NAALADL2: variants seen among roughly 807,000 people sequenced by gnomAD.
The protein encoded by NAALADL2 is inactive N-acetylated-alpha-linked acidic dipeptidase-like protein 2.
A neutral mutation model predicts 87.2 loss-of-function variants in NAALADL2; 76 were observed. The ratio of observed to expected loss-of-function variants is 0.87; its 90% confidence interval spans 0.72 to 1.05. NAALADL2 has a LOEUF of 1.05. NAALADL2 is among the 50% of genes least tolerant of loss of function. The pLI is 0.00. For synonymous variants in NAALADL2, 354 were observed against 331.0 expected, an observed-to-expected ratio of 1.07 and a Z score of -0.75; for missense variants, 1,089 against 945.8, an observed-to-expected ratio of 1.15 and a Z score of -1.99.
At chr3:175,125,380 A>G (rs111498928) in intron 2 of NAALADL2, among the ~76,000 whole-genome samples, 2 of 151,928 alleles carry the variant, frequency 1.3e-5, no homozygotes, top group African/African-American at 2.4e-5. Flanking sequence ...TTACAAGATC[A>G]CTCTACTACT....
chr3:175,680,924 C>T (rs1319638429), intron 11 of NAALADL2, among the ~76,000 whole-genome samples: 1 of 152,064 alleles, frequency 6.6e-6, no homozygotes, highest in Non-Finnish European at 1.5e-5. Flanking sequence ...ACAATCCTGG[C>T]CAACATGGTG....
At chr3:174,879,603 G>A (rs1199939427) in intron 1 of NAALADL2, among the ~76,000 whole-genome samples, 1 of 151,882 alleles carries the variant, frequency 6.6e-6, no homozygotes, top group East Asian at 1.9e-4. Flanking sequence ...AATATATTTT[G>A]TGTAAGTACT....
chr3:175,780,384 T>C (rs1576802196), intron 13 of NAALADL2, among the ~76,000 whole-genome samples: 1 of 152,070 alleles, frequency 6.6e-6, no homozygotes, highest in East Asian at 1.9e-4. Context: ...ACAGTATGTG[T>C]ATACGTATCA....
intron 11 of NAALADL2, among the ~76,000 whole-genome samples, chr3:175,717,994 TG>T (rs1368407008): frequency 2.7e-5 from 4 of 150,864 alleles, no homozygotes; most frequent in African/African-American, 7.4e-5. Context: ...TGTATTTTTT[TG>T]TTGTTGTTGT....
intron 1 of NAALADL2, among the ~76,000 whole-genome samples, chr3:174,929,408 T>A (rs1449737544): frequency 6.6e-6 from 1 of 152,218 alleles, no homozygotes; most frequent in Non-Finnish European, 1.5e-5. Context: ...TCTTTTTCCT[T>A]ATTCTACCTT....
intron 2 of NAALADL2, among the ~76,000 whole-genome samples, chr3:175,155,994 A>T (rs1372049511): frequency 6.6e-6 from 1 of 152,198 alleles, no homozygotes; most frequent in Admixed American, 6.6e-5. Context: ...TTTAGCAAAC[A>T]TTTTGAGGAA....
At chr3:174,701,076 C>T (rs1729506154) in intron 2 of NAALADL2, among the ~76,000 whole-genome samples, 2 of 149,830 alleles carry the variant, frequency 1.3e-5, no homozygotes, top group South Asian at 4.2e-4. Context: ...ATTTTAAGTG[C>T]AGGGAAGGGA....
chr3:174,816,827 A>G (rs879615197), intron 3 of NAALADL2, among the ~76,000 whole-genome samples: 8 of 152,166 alleles, frequency 5.3e-5, no homozygotes, highest in Admixed American at 5.2e-4. Flanking sequence ...GGTCATTGCA[A>G]GGCAACACTG....
chr3:175,260,516 C>G (rs1198812860), intron 4 of NAALADL2, among the ~76,000 whole-genome samples: 1 of 152,120 alleles, frequency 6.6e-6, no homozygotes, highest in Non-Finnish European at 1.5e-5. Context: ...GATTACGGCC[C>G]AATTTGCTTC....
At chr3:174,930,788 A>AT (rs1325094579) in intron 1 of NAALADL2, among the ~76,000 whole-genome samples, 102 of 151,170 alleles carry the variant, frequency 6.7e-4, no homozygotes, top group African/African-American at 2.1e-3. Context: ...TTCCTGGCTA[A>AT]TTTTTTTGTA....
chr3:175,111,783 T>C (rs1235792277), intron 2 of NAALADL2, among the ~76,000 whole-genome samples: 2 of 151,618 alleles, frequency 1.3e-5, no homozygotes, highest in Non-Finnish European at 3.0e-5. Flanking sequence ...TCATTCCACA[T>C]ATATTCATAT....
At chr3:175,051,733 TG>T (rs1755417624) in intron 1 of NAALADL2, among the ~76,000 whole-genome samples, 1 of 152,202 alleles carries the variant, frequency 6.6e-6, no homozygotes, top group Non-Finnish European at 1.5e-5. Context: ...TGAAAATTCT[TG>T]GGAGTCACTG....
At chr3:175,055,074 T>G (rs142130552) in intron 1 of NAALADL2, among the ~76,000 whole-genome samples, 223 of 152,352 alleles carry the variant, frequency 1.5e-3, no homozygotes, top group African/African-American at 5.1e-3. Context: ...AATGTCCTCC[T>G]GTATCTACCA....
At chr3:175,113,074 A>G (rs1302334810) in intron 2 of NAALADL2, among the ~76,000 whole-genome samples, 1 of 151,656 alleles carries the variant, frequency 6.6e-6, no homozygotes, top group Admixed American at 6.6e-5. Flanking sequence ...GAAGTAGATT[A>G]GGATAATTTC....
rs1302713224 is a variant in NAALADL2 at position 174,592,244 on chromosome 3, T to TA, written c.-115+41607_-115+41608insA. ...TATTTATTTTTGAAACAATTTTTCT[T>TA]TTTTTATTTTGTTATTATTATACTT... On this transcript the variant is annotated intron_variant, in intron 2 of 3. Coordinates refer to the NAALADL2 transcript ENST00000434257. Among the ~76,000 whole-genome samples the TA allele has an allele frequency of 1.1e-3, 115 of 108,866 alleles. No homozygotes were observed. In the Middle Eastern group the frequency reaches 0.021, roughly 20 times the overall value. The allele number at this position is 108,866 out of a possible 152,430, so 71.4% of individuals were successfully genotyped here.
chr3:175,163,621 A>G (rs2108858922), intron 2 of NAALADL2, among the ~76,000 whole-genome samples: 1 of 152,240 alleles, frequency 6.6e-6, no homozygotes, highest in East Asian at 1.9e-4. Context: ...TTACCATAAC[A>G]ACTATTCATA....
At chr3:175,567,748 C>T (rs535040564) in intron 9 of NAALADL2, among the ~76,000 whole-genome samples, 17 of 145,038 alleles carry the variant, frequency 1.2e-4, no homozygotes, top group African/African-American at 4.5e-4. Flanking sequence ...GAGAGTCTTA[C>T]TCTGTCACCC....
chr3:174,993,572 G>A (rs919997319), intron 1 of NAALADL2, among the ~76,000 whole-genome samples: 2 of 152,122 alleles, frequency 1.3e-5, no homozygotes, highest in African/African-American at 2.4e-5. Flanking sequence ...TCTTAGGGGC[G>A]GTGGCTCAAG....
intron 2 of NAALADL2, among the ~76,000 whole-genome samples, chr3:175,208,713 C>G (rs1249380791): frequency 6.6e-6 from 1 of 152,048 alleles, no homozygotes; most frequent in Admixed American, 6.6e-5. Context: ...CATGGTTGAA[C>G]TATAAAACTC....
Sources: gnomAD v4.1 joint callset for allele counts (sites outside exome capture counted in the v4.1 genomes callset) on GRCh38, gnomAD v4.1.1 for gene constraint, MANE v1.5 for transcripts, NCBI Gene and HGNC (gene_info 2026-07-23, HGNC 2026-07-21) for gene names.